Variants in KLHL21 observed in about 807,000 individuals in gnomAD.
KLHL21 encodes the protein kelch-like protein 21.
Under a neutral mutation model 44.1 loss-of-function variants are expected in KLHL21, and 42 were observed. The observed-to-expected ratio is 0.95, with a 90% confidence interval of 0.74 to 1.23. The LOEUF is 1.23. Among genes scored for constraint, KLHL21 ranks in the 50% most tolerant of loss-of-function variants. The pLI, the probability that KLHL21 is intolerant of heterozygous loss-of-function variation, is 0.00. For synonymous variants in KLHL21, 524 were observed against 411.6 expected, an observed-to-expected ratio of 1.27 and a Z score of -3.31; for missense variants, 918 against 889.1, an observed-to-expected ratio of 1.03 and a Z score of -0.41.
chr1:6,593,591 G>C lies in KLHL21; in HGVS notation c.1568C>G (p.Thr523Arg). Reference sequence around the variant, plus strand: ...CTCTACCACGTCCGAGAGTTCAAATGTATTGTCGTATCCCCCAGAGACGTA... The same window carrying C: ...CTCTACCACGTCCGAGAGTTCAAATCTATTGTCGTATCCCCCAGAGACGTA... ...KLYVSGGYDN[T>R]FELSDVVEAY... Residue 523 changes from threonine to arginine, a missense_variant, in exon 4 of 4, where the codon ACA becomes AGA. By Grantham distance (71) the Thr-to-Arg change is moderately conservative (BLOSUM62 -1). Transcript: ENST00000377658. 1 of 1,613,414 alleles carries C rather than the reference G, an allele frequency of 6.2e-7. No individual in the cohort carries two copies. Among genetic ancestry groups the C allele is most frequent in the South Asian group, 1.1e-5 (1 of 91,080 alleles).
Position 6,602,492 on chromosome 1 carries a change from A to G in KLHL21, c.326T>C (p.Leu109Pro). The G allele has an allele frequency of 6.4e-7, 1 of 1,551,368 alleles. No homozygotes were observed. The highest frequency in any genetic ancestry group is 8.7e-7 in the Non-Finnish European group (1 of 1,154,858). ...CTGCAGCAGGTCGGCGGCGCGCAGCAGCGGCTCAGCGTTGTCGCCGCTTAC... is the reference window on the plus strand; with the variant it reads ...CTGCAGCAGGTCGGCGGCGCGCAGCGGCGGCTCAGCGTTGTCGCCGCTTAC... ...VAVSGDNAEP[L>P]LRAADLLQFP... Residue 109 changes from leucine (L) to proline (P), a missense_variant, in exon 1 of 4, where the codon CTG (leucine) becomes CCG (proline). Transcript: ENST00000377658.
rs763122205 is a variant in KLHL21, at chr1:6,602,500, A to G, written c.318T>C (p.Ala106=). 1 of 1,548,984 alleles carries G rather than the reference A, an allele frequency of 6.5e-7. No individual in the cohort carries two copies. The highest frequency in any genetic ancestry group is 8.7e-7 in the Non-Finnish European group (1 of 1,153,566). ...TGRVAVSGDN[A]EPLLRAADLL... ...GGTCGGCGGCGCGCAGCAGCGGCTC[A>G]GCGTTGTCGCCGCTTACCGCCACGC... The change falls in exon 1 of 4, where the codon GCT becomes GCC. Residue 106 remains alanine (A), a synonymous_variant. Transcript: ENST00000377658.
In KLHL21 at chr1:6,593,602, T is replaced by TC; in HGVS notation, c.1556dup (p.Tyr520IlefsTer6). 6.2e-7 allele frequency: 1 copy of TC among 1,611,936 alleles called. No homozygotes were observed. The highest frequency in any genetic ancestry group is 8.5e-7 in the Non-Finnish European group (1 of 1,178,596). ...CCGAGAGTTCAAATGTATTGTCGTA[T>TC]CCCCCAGAGACGTACAGCTTCCCCC... On this transcript the variant is annotated frameshift_variant, in exon 4 of 4. Coordinates refer to ENST00000377658, the MANE Select transcript of KLHL21 (RefSeq NM_014851.4). LOFTEE classifies it high-confidence loss of function.
chr1:6,599,455 G>C lies in KLHL21; in HGVS notation c.1022-3C>G. On this transcript the variant is annotated splice_region_variant and splice_polypyrimidine_tract_variant and intron_variant, in intron 1 of 3. Coordinates refer to ENST00000377658, the MANE Select transcript of KLHL21 (RefSeq NM_014851.4). ...GAGCCGGGAGCCATCGGACCCACCTGCCAGGACGCATGACAGGCAGAAGAT... is the reference window on the plus strand; with the variant it reads ...GAGCCGGGAGCCATCGGACCCACCTCCCAGGACGCATGACAGGCAGAAGAT... The C allele has an allele frequency of 6.3e-7, 1 of 1,595,612 alleles. No homozygotes were observed. Among genetic ancestry groups the C allele is most frequent in the Non-Finnish European group, 8.6e-7 (1 of 1,168,926 alleles).
chr1:6,602,669 T>C lies in KLHL21; in HGVS notation c.149A>G (p.His50Arg). Residue 50 changes from histidine to arginine, a missense_variant, in exon 1 of 4, where the codon CAC becomes CGC. His to Arg is a conservative substitution (Grantham distance 29). Coordinates refer to ENST00000377658, the MANE Select transcript of KLHL21 (RefSeq NM_014851.4). ...EAAGGRDFPA[H>R]RAVLAAASPY... ...GCTGGCGGCGGCCAGCACCGCACGGTGCGCCGGGAAGTCGCGCCCGCCCGC... is the reference window on the plus strand; with the variant it reads ...GCTGGCGGCGGCCAGCACCGCACGGCGCGCCGGGAAGTCGCGCCCGCCCGC... The C allele has an allele frequency of 2.0e-6, 3 of 1,511,492 alleles. No homozygotes were observed. The highest frequency in any genetic ancestry group is 2.6e-6 in the Non-Finnish European group (3 of 1,137,612). The allele number at this position is 1,511,492 out of a possible 1,614,324, so 93.6% of individuals were successfully genotyped here. A position where few individuals can be genotyped will look rare whatever the true frequency, so the allele number is the denominator to read the frequency against.
rs1640836637 is a variant in KLHL21 at position 6,590,820 on chromosome 1, AAT to A, written c.*2543_*2544del. 1.0e-5 allele frequency: 4 copies of A among 397,774 alleles called. No homozygotes were observed. Among genetic ancestry groups the A allele is most frequent in the Admixed American group, 4.4e-5 (1 of 22,706 alleles). The allele number at this position is 397,774 out of a possible 1,614,324, so 24.6% of individuals were successfully genotyped here. ...GAAGCCTACAGAATAGACAAAAATA[AAT>A]ATGTCAACCTGCCCGACCCTCTGGG... On this transcript the variant is annotated 3_prime_UTR_variant, in exon 4 of 4. Coordinates refer to ENST00000377658, the MANE Select transcript of KLHL21 (RefSeq NM_014851.4).
chr1:6,595,468 C>T lies in KLHL21; in HGVS notation c.1500+17G>A. On this transcript the variant is annotated intron_variant, in intron 3 of 3. Transcript: ENST00000377658. ...GACCAGCCTGTGCTTCCAATGCTGG[C>T]CCGCCTGAAAATTTACCTGATTCAT... The T allele has an allele frequency of 6.2e-7, 1 of 1,613,466 alleles. No homozygotes were observed. The highest frequency in any genetic ancestry group is 1.7e-4 in the Middle Eastern group (1 of 6,060).
rs1418266081 is a variant in KLHL21, at chr1:6,593,450, C to T, written c.1709G>A (p.Gly570Glu). 6.2e-7 allele frequency: 1 copy of T among 1,613,376 alleles called. No individual in the cohort carries two copies. The highest frequency in any genetic ancestry group is 8.5e-7 in the Non-Finnish European group (1 of 1,179,952). ...RQFMPQTFSGGRGFELDSGSD... is the reference protein window; with the variant it reads ...RQFMPQTFSGERGFELDSGSD... ...GCCACTGTCCAACTCGAAGCCACGCCCACCCGAGAAGGTCTGGGGCATGAA... is the reference window on the plus strand; with the variant it reads ...GCCACTGTCCAACTCGAAGCCACGCTCACCCGAGAAGGTCTGGGGCATGAA... Residue 570 changes from glycine (G) to glutamate (E), a missense_variant, in exon 4 of 4, where the codon GGG (glycine) becomes GAG (glutamate). Physicochemically the swap from Gly to Glu is moderately conservative, Grantham distance 98. Transcript: ENST00000377658.
At chr1:6,596,164 C>T (rs1024012810) in intron 2 of KLHL21, among the ~76,000 whole-genome samples, 12 of 152,172 alleles carry the variant, frequency 7.9e-5, no homozygotes, top group African/African-American at 1.2e-4. Flanking sequence ...TTTGGGAGGC[C>T]GAGGCTGGTG....
At position 6,602,124 on chromosome 1, in the gene KLHL21, A is replaced by G; in HGVS notation, c.694T>C (p.Phe232Leu). ...GCCTCGACGTGCGCCAACAGGTAGA[A>G]GCGGCGCACGAAGGGCAGGCGCACG... ...EAVRLPFVRR[F>L]YLLAHVEAEP... is the part of the protein sequence containing the mutation. The change falls in exon 1 of 4, where the codon TTC (phenylalanine) becomes CTC (leucine). Residue 232 changes from phenylalanine to leucine, a missense_variant. By Grantham distance (22) the Phe-to-Leu change is conservative. Coordinates refer to ENST00000377658, the MANE Select transcript of KLHL21 (RefSeq NM_014851.4). 6.9e-7 allele frequency: 1 copy of G among 1,439,246 alleles called. No homozygotes were observed. The highest frequency in any genetic ancestry group is 9.1e-7 in the Non-Finnish European group (1 of 1,104,232). The allele number at this position is 1,439,246 out of a possible 1,614,324, so 89.2% of individuals were successfully genotyped here.
chr1:6,601,778 C>A lies in KLHL21; in HGVS notation c.1021+19G>T. 1 of 1,543,322 alleles carries A rather than the reference C, an allele frequency of 6.5e-7. No individual in the cohort carries two copies. Among genetic ancestry groups the A allele is most frequent in the Non-Finnish European group, 8.8e-7 (1 of 1,139,220 alleles). ...GAGGTTCAACCCCAGAGAGCCTGCC[C>A]AGCCCCTGGCCCACTCACCCGTCAC... On this transcript the variant is annotated intron_variant, in intron 1 of 3. Coordinates refer to ENST00000377658, the MANE Select transcript of KLHL21 (RefSeq NM_014851.4).
chr1:6,593,271 G>A lies in KLHL21; in HGVS notation c.*94C>T. On this transcript the variant is annotated 3_prime_UTR_variant, in exon 4 of 4. Transcript: ENST00000377658. Reference sequence around the variant, plus strand: ...ACCCAAGAGCCTGTGCTCCTCCTGTGAGCCCAACGTGTCCTTGTGCACAAA... The same window carrying A: ...ACCCAAGAGCCTGTGCTCCTCCTGTAAGCCCAACGTGTCCTTGTGCACAAA... 5.2e-6 allele frequency: 7 copies of A among 1,355,358 alleles called. No homozygotes were observed. The highest frequency in any genetic ancestry group is 7.0e-6 in the Non-Finnish European group (7 of 1,004,770). The allele number at this position is 1,355,358 out of a possible 1,614,324, so 84.0% of individuals were successfully genotyped here.
At position 6,602,631 on chromosome 1, in the gene KLHL21, C is replaced by G; in HGVS notation, c.187G>C (p.Ala63Pro). 6.6e-7 allele frequency: 1 copy of G among 1,518,140 alleles called. No homozygotes were observed. The highest frequency in any genetic ancestry group is 1.2e-5 in the South Asian group (1 of 81,828). 94.0% of individuals were successfully genotyped at this position (1,518,140 alleles called of 1,614,324 possible). A position where few individuals can be genotyped will look rare whatever the true frequency, so the allele number is the denominator to read the frequency against. The change falls in exon 1 of 4, where the codon GCC becomes CCC. Residue 63 changes from alanine (A) to proline (P), a missense_variant. By Grantham distance (27) the Ala-to-Pro change is conservative. Transcript: ENST00000377658. ...TCGCGCAGCTGCCCCGCGAACATGG[C>G]GCGGAAGTAGGGGCTGGCGGCGGCC... ...VLAAASPYFR[A>P]MFAGQLRESR... is the part of the protein sequence containing the mutation.
chr1:6,599,627 G>A, intron 1 of KLHL21, 175 bp from the exon 2 acceptor site: 2 of 661,048 alleles, frequency 3.0e-6, no homozygotes, highest in South Asian at 2.0e-5. Flanking sequence ...CTAAGGCAAA[G>A]CACACGCTGA....
rs753458955 is a variant in KLHL21, at chr1:6,601,858, G to A, written c.960C>T (p.Phe320=). The A allele has an allele frequency of 1.9e-5, 30 of 1,579,976 alleles. No individual in the cohort carries two copies. In the African/African-American group the frequency reaches 3.8e-4, roughly 20 times the overall value. The change falls in exon 1 of 4, where the codon TTC becomes TTT. Residue 320 remains phenylalanine (F), a synonymous_variant. Transcript: ENST00000377658. The part of the protein sequence containing the change: ...QTGQWRYLAE[F]PDHLGGGYSI... ...TGTAGCCTCCGCCCAGGTGGTCTGG[G>A]AACTCGGCCAGGTAGCGCCACTGAC...
intron 3 of KLHL21, chr1:6,594,574 T>G (rs1451885494): frequency 1.3e-5 from 2 of 152,194 alleles, no homozygotes; most frequent in Non-Finnish European, 2.9e-5. Context: ...GGCGTGGTGG[T>G]GGGTACCTGT....
At chr1:6,595,619 G>T in intron 2 of KLHL21, 62 bp from the exon 3 acceptor site, 1 of 1,441,288 alleles carries the variant, frequency 6.9e-7, no homozygotes, top group Non-Finnish European at 9.6e-7. Flanking sequence ...CACATGCAGG[G>T]CTGGAGCAGA....
At position 6,592,842 on chromosome 1, in the gene KLHL21, T is replaced by C. The variant is rs933528856; in HGVS notation, c.*523A>G. 2 of 154,418 alleles carry C rather than the reference T, an allele frequency of 1.3e-5. No individual in the cohort carries two copies. Among genetic ancestry groups the C allele is most frequent in the South Asian group, 2.0e-4 (1 of 4,978 alleles). The allele number at this position is 154,418 out of a possible 1,614,324, so 9.6% of individuals were successfully genotyped here. ...AGGGCAGCCCTCTGAGGTGTTTTGA[T>C]GTAAGCCCCTGGCAGGGGCCAGGAG... On this transcript the variant is annotated 3_prime_UTR_variant, in exon 4 of 4. Transcript: ENST00000377658.
rs757769039 is a variant in KLHL21, at chr1:6,602,443, G to C, written c.375C>G (p.Cys125Trp). ...LLQFPAVKEA[C>W]GAFLQQQLDL... ...CGAGCTGCTGCTGCAGGAAGGCCCCGCACGCCTCCTTCACGGCCGGGAACT... is the reference window on the plus strand; with the variant it reads ...CGAGCTGCTGCTGCAGGAAGGCCCCCCACGCCTCCTTCACGGCCGGGAACT... The change falls in exon 1 of 4, where the codon TGC becomes TGG. Residue 125 changes from cysteine (C) to tryptophan (W), a missense_variant. Cys to Trp is a radical substitution (Grantham distance 215). Transcript: ENST00000377658. 6.3e-7 allele frequency: 1 copy of C among 1,589,388 alleles called. No individual in the cohort carries two copies. Among genetic ancestry groups the C allele is most frequent in the Non-Finnish European group, 8.5e-7 (1 of 1,173,192 alleles).
Sources: allele counts gnomAD v4.1 joint callset (sites outside exome capture counted in the v4.1 genomes callset), GRCh38; gene constraint gnomAD v4.1.1; transcripts MANE v1.5; gene names NCBI Gene and HGNC (gene_info 2026-07-23, HGNC 2026-07-21).